The following RPA3 variants were observed in gnomAD, a reference collection of about 807,000 sequenced individuals.
RPA3 encodes replication protein A3.
In RPA3, 24 loss-of-function variants were observed where a neutral mutation model predicts 13.7. The ratio of observed to expected loss-of-function variants is 1.75; its 90% confidence interval spans 1.27 to 2.46. RPA3 has a LOEUF of 2.46. RPA3 is among the 30% of genes most tolerant of loss of function. RPA3 has a pLI of 0.00. For missense variants in RPA3, 183 were observed against 151.0 expected, an observed-to-expected ratio of 1.21 and a Z score of -1.11; for synonymous variants, 59 against 51.2, an observed-to-expected ratio of 1.15 and a Z score of -0.65.
At chr7:7,681,805 T>G (rs2115122870) in intron 4 of RPA3, among the ~76,000 whole-genome samples, 1 of 152,296 alleles carries the variant, frequency 6.6e-6, no homozygotes, top group East Asian at 1.9e-4. Flanking sequence ...ATCTTTAAGT[T>G]GATTACAAAT....
At chr7:7,649,743 TC>T (rs1785181999) in intron 4 of RPA3, among the ~76,000 whole-genome samples, 2 of 152,038 alleles carry the variant, frequency 1.3e-5, no homozygotes, top group Non-Finnish European at 2.9e-5. Flanking sequence ...TGTTTGTCTC[TC>T]TCCCCCCACC....
intron 4 of RPA3, among the ~76,000 whole-genome samples, chr7:7,650,547 T>C (rs1339095732): frequency 6.6e-6 from 1 of 152,250 alleles, no homozygotes; most frequent in African/African-American, 2.4e-5. Flanking sequence ...TAGTGATGGC[T>C]GCAGGACAGT....
At chr7:7,643,862 C>G (rs1437947413) in intron 4 of RPA3, among the ~76,000 whole-genome samples, 3 of 152,150 alleles carry the variant, frequency 2.0e-5, no homozygotes, top group Non-Finnish European at 4.4e-5. Context: ...AAGTAAACTT[C>G]CATTCCTGCT....
At chr7:7,657,836 T>A (rs971824013) in intron 4 of RPA3, among the ~76,000 whole-genome samples, 1 of 152,178 alleles carries the variant, frequency 6.6e-6, no homozygotes, top group Non-Finnish European at 1.5e-5. Flanking sequence ...TAGTTTTTTC[T>A]AATTCTGTGA....
chr7:7,709,738 C>G (rs1419100255), intron 2 of RPA3, among the ~76,000 whole-genome samples: 1 of 151,936 alleles, frequency 6.6e-6, no homozygotes, highest in African/African-American at 2.4e-5. Context: ...TTATTCTTAG[C>G]TCTTGCTTAT....
intron 4 of RPA3, chr7:7,673,508 T>C: frequency 1.5e-6 from 1 of 676,728 alleles, no homozygotes; most frequent in South Asian, 1.7e-5. Flanking sequence ...CTTTAAAAAA[T>C]TACTTGAAAA....
intron 1 of RPA3, among the ~76,000 whole-genome samples, chr7:7,717,440 G>A (rs556011510): frequency 7.9e-5 from 12 of 152,304 alleles, no homozygotes; most frequent in Non-Finnish European, 1.6e-4. Context: ...GGCGTGAGAC[G>A]ATAACCTCAG....
At chr7:7,662,066 G>A (rs1785488049) in intron 4 of RPA3, among the ~76,000 whole-genome samples, 1 of 152,198 alleles carries the variant, frequency 6.6e-6, no homozygotes, top group African/African-American at 2.4e-5. Flanking sequence ...GCTGTGGAGG[G>A]CTGTGCCCAG....
intron 6 of RPA3, 164 bp from the exon 7 acceptor site, chr7:7,638,136 A>C: frequency 2.1e-6 from 1 of 476,340 alleles, no homozygotes; most frequent in South Asian, 3.2e-5. Flanking sequence ...CAAATGTTTG[A>C]GTACTTAACT....
intron 4 of RPA3, among the ~76,000 whole-genome samples, chr7:7,671,674 G>A (rs1779608207): frequency 6.6e-6 from 1 of 151,912 alleles, no homozygotes; most frequent in Non-Finnish European, 1.5e-5. Context: ...ATCTTATTCA[G>A]TTACTTTTTT....
chr7:7,666,865 G>T (rs896578197), intron 4 of RPA3, among the ~76,000 whole-genome samples: 4 of 152,112 alleles, frequency 2.6e-5, no homozygotes, highest in Admixed American at 2.6e-4. Flanking sequence ...GAGTGCAATG[G>T]TGGGGTCTCA....
At chr7:7,672,539 C>T (rs976443675) in intron 4 of RPA3, among the ~76,000 whole-genome samples, 1 of 152,074 alleles carries the variant, frequency 6.6e-6, no homozygotes, top group African/African-American at 2.4e-5. Context: ...GCCCATGTGT[C>T]GAGGGCAGGA....
In RPA3 at chr7:7,641,001, G is replaced by T. The variant is rs10251718; in HGVS notation, c.-583C>A. On this transcript the variant is annotated 5_prime_UTR_variant, in exon 5 of 8. Transcript: ENST00000223129. ...TGCCAGTTCTGCGTGGGAGGCGCGG[G>T]AGTTTTGCGGAATGATACGTGGTGT... 15,995 of 153,394 alleles carry T rather than the reference G, an allele frequency of 0.1. 2,046 individuals carry two copies. Among genetic ancestry groups the T allele is most frequent in the African/African-American group, 0.31 (12,738 of 41,448 alleles). 9.5% of individuals were successfully genotyped at this position (153,394 alleles called of 1,614,324 possible).
intron 4 of RPA3, among the ~76,000 whole-genome samples, chr7:7,666,873 TCA>T (rs1487037243): frequency 6.6e-6 from 1 of 152,156 alleles, no homozygotes; most frequent in East Asian, 1.9e-4. Context: ...TGGTGGGGTC[TCA>T]GCTCACTGCA....
intron 4 of RPA3, among the ~76,000 whole-genome samples, chr7:7,678,735 A>G (rs1377783880): frequency 0.31 from 6,032 of 19,570 alleles, 79 homozygotes; most frequent in Non-Finnish European, 0.37. Context: ...ATATATTTAT[A>G]TATTTAGTTT....
Position 7,687,301 on chromosome 7 carries a change from A to T in RPA3, c.-1000T>A, listed in dbSNP as rs926793145. 6.6e-6 allele frequency: 1 copy of T among 152,160 alleles called. No individual in the cohort carries two copies. The highest frequency in any genetic ancestry group is 1.5e-5 in the Non-Finnish European group (1 of 68,034). 9.4% of individuals were successfully genotyped at this position (152,160 alleles called of 1,614,324 possible). ...TGTCTTCATTACATTGTTGCAGGAG[A>T]TGAAGCAAAAGGAAACTGTACACAG... On this transcript the variant is annotated 5_prime_UTR_variant, in exon 3 of 8. Coordinates refer to ENST00000223129, the MANE Select transcript of RPA3 (RefSeq NM_002947.5).
At chr7:7,668,408 G>A (rs1218703825) in intron 4 of RPA3, among the ~76,000 whole-genome samples, 1 of 152,156 alleles carries the variant, frequency 6.6e-6, no homozygotes, top group African/African-American at 2.4e-5. Context: ...AAGAGAGGGA[G>A]AGAGAGGGGG....
Position 7,715,300 on chromosome 7 carries a change from A to G in RPA3, c.-1079-74T>C, listed in dbSNP as rs1263514373. ...CAGATTTATGAATACAGTTTCATCA[A>G]TGATCTTGGTGAATAGTAGTAGCAG... On this transcript the variant is annotated intron_variant, in intron 1 of 7. Transcript: ENST00000223129. 3.3e-5 allele frequency: 5 copies of G among 151,852 alleles called. 1 individual carries two copies. The South Asian group carries it at 6.2e-4, about 19-fold the overall frequency. The allele number at this position is 151,852 out of a possible 1,614,324, so 9.4% of individuals were successfully genotyped here. A position where few individuals can be genotyped will look rare whatever the true frequency, so the allele number is the denominator to read the frequency against.
intron 2 of RPA3, among the ~76,000 whole-genome samples, chr7:7,692,831 T>A (rs1463962594): frequency 2.0e-5 from 3 of 152,114 alleles, no homozygotes; most frequent in African/African-American, 7.2e-5. Flanking sequence ...ATGGTCTTGA[T>A]CTCTTGACCT....
Sources: allele counts gnomAD v4.1 joint callset (sites outside exome capture counted in the v4.1 genomes callset), GRCh38; gene constraint gnomAD v4.1.1; transcripts MANE v1.5; gene names NCBI Gene and HGNC (gene_info 2026-07-23, HGNC 2026-07-21).